The following CSMD1 variants were observed in gnomAD, a reference collection of about 807,000 sequenced individuals.
CSMD1 encodes CUB and sushi domain-containing protein 1.
A neutral mutation model predicts 417.5 loss-of-function variants in CSMD1; 213 were observed. That is an observed-to-expected ratio of 0.51 (90% CI 0.46 to 0.57). The LOEUF is 0.57. Among genes scored for constraint, CSMD1 ranks in the 20% least tolerant of loss-of-function variants. The pLI, the probability that CSMD1 is intolerant of heterozygous loss-of-function variation, is 0.00. For synonymous variants in CSMD1, 2,862 were observed against 1,736.8 expected (o/e 1.65, Z -16.11); for missense variants, 6,923 against 4,529.7 (o/e 1.53, Z -15.17).
chr8:4,656,278 C>T (rs1005536169), intron 1 of CSMD1, among the ~76,000 whole-genome samples: 1 of 151,866 alleles, frequency 6.6e-6, no homozygotes, highest in African/African-American at 2.4e-5. Context: ...AGCCAGTGAG[C>T]CTAGTGAAGA....
At chr8:3,431,330 G>A (rs1415323934) in intron 12 of CSMD1, among the ~76,000 whole-genome samples, 1 of 152,162 alleles carries the variant, frequency 6.6e-6, no homozygotes, top group Non-Finnish European at 1.5e-5. Flanking sequence ...CTGCTCTACA[G>A]AAAGGCAGTA....
At chr8:3,019,499 G>C (rs1809170539) in intron 51 of CSMD1, among the ~76,000 whole-genome samples, 1 of 152,206 alleles carries the variant, frequency 6.6e-6, no homozygotes, top group Non-Finnish European at 1.5e-5. Flanking sequence ...TGCAATAGCA[G>C]TGCTCAGTTT....
rs1281531943 is a variant in CSMD1, at chr8:3,214,507, G to A, written c.4857C>T (p.Pro1619=). 2.5e-6 allele frequency: 4 copies of A among 1,595,518 alleles called. No individual in the cohort carries two copies. Among genetic ancestry groups the A allele is most frequent in the Admixed American group, 1.7e-5 (1 of 57,366 alleles). The part of the protein sequence containing the change: ...DGKPSWDQVL[P]SCNAPCGGQY... ...CAAGCGTGCACTCACCATTGCAGGA[G>A]GGCAGCACTTGGTCCCAGGAGGGTT... Residue 1619 remains proline (P), a synonymous_variant, in exon 30 of 70, where the codon CCC becomes CCT. Coordinates refer to ENST00000635120, the MANE Select transcript of CSMD1 (RefSeq NM_033225.6).
At chr8:3,925,784 C>T (rs975469709) in intron 5 of CSMD1, among the ~76,000 whole-genome samples, 1 of 151,994 alleles carries the variant, frequency 6.6e-6, no homozygotes, top group Non-Finnish European at 1.5e-5. Context: ...TCTTTTTATT[C>T]CCAGTTTTGG....
intron 52 of CSMD1, among the ~76,000 whole-genome samples, chr8:3,012,149 G>A (rs969971566): frequency 1.3e-5 from 2 of 152,126 alleles, no homozygotes; most frequent in Admixed American, 6.5e-5. Flanking sequence ...TAATGTACTC[G>A]GATGCACCTG....
rs1331158720 is a variant in CSMD1, at chr8:3,838,621, AAATT to A, written c.819-84583_819-84580del. 1.4e-4 allele frequency among the ~76,000 whole-genome samples: 19 copies of A among 137,382 alleles called. No homozygotes were observed. The South Asian group carries it at 2.2e-3, about 16-fold the overall frequency. 90.1% of individuals were successfully genotyped at this position (137,382 alleles called of 152,430 possible). On this transcript the variant is annotated intron_variant, in intron 5 of 69. Transcript: ENST00000635120. ...ATATAAATATTTATATATAATAAAT[AAATT>A]AATATATAATAAATTAATATTATAT...
intron 8 of CSMD1, among the ~76,000 whole-genome samples, chr8:3,598,037 C>T (rs1801176396): frequency 6.6e-6 from 1 of 152,162 alleles, no homozygotes; most frequent in Non-Finnish European, 1.5e-5. Flanking sequence ...CCTACTTCAG[C>T]CCAATAAAAC....
intron 4 of CSMD1, among the ~76,000 whole-genome samples, chr8:4,000,167 G>A (rs1482905485): frequency 1.3e-5 from 2 of 151,868 alleles, no homozygotes; most frequent in African/African-American, 4.8e-5. Context: ...AGAACAAGCT[G>A]CACAACTGCC....
chr8:4,182,779 T>C (rs1798450236), intron 3 of CSMD1, among the ~76,000 whole-genome samples: 1 of 152,148 alleles, frequency 6.6e-6, no homozygotes, highest in Non-Finnish European at 1.5e-5. Context: ...AGTCTCATAG[T>C]TAAATGAAGT....
chr8:4,620,878 A>T (rs778250582), intron 2 of CSMD1, among the ~76,000 whole-genome samples: 4 of 151,928 alleles, frequency 2.6e-5, no homozygotes, highest in African/African-American at 4.8e-5. Flanking sequence ...AAGAGTGAAA[A>T]TAAGAGAAAA....
chr8:4,069,103 T>A (rs1316850147), intron 3 of CSMD1, among the ~76,000 whole-genome samples: 1 of 152,212 alleles, frequency 6.6e-6, no homozygotes, highest in South Asian at 2.1e-4. Flanking sequence ...ATGGACTCCA[T>A]TTTGATTTCC....
At chr8:4,800,455 G>A (rs7823972) in intron 1 of CSMD1, among the ~76,000 whole-genome samples, 19,129 of 146,134 alleles carry the variant, frequency 0.13, 1,594 homozygotes, top group Non-Finnish European at 0.18. Flanking sequence ...AAAAAAAAAA[G>A]GAAAATTAAA....
chr8:3,600,765 A>T (rs956122480), intron 8 of CSMD1, among the ~76,000 whole-genome samples: 6 of 152,222 alleles, frequency 3.9e-5, no homozygotes, highest in African/African-American at 1.4e-4. Context: ...ATTCAGTCAT[A>T]AATAGCAGTC....
chr8:3,380,962 T>G (rs181456247), intron 18 of CSMD1, among the ~76,000 whole-genome samples: 2 of 152,142 alleles, frequency 1.3e-5, no homozygotes, highest in Admixed American at 1.3e-4. Context: ...AAAGAAGAAT[T>G]TGGGGATGGT....
intron 3 of CSMD1, among the ~76,000 whole-genome samples, chr8:4,122,097 T>C (rs1278700637): frequency 6.6e-6 from 1 of 152,106 alleles, no homozygotes; most frequent in African/African-American, 2.4e-5. Context: ...CATAGAAATA[T>C]AATATTGTAT....
intron 50 of CSMD1, among the ~76,000 whole-genome samples, chr8:3,041,168 T>C (rs1431747422): frequency 2.6e-5 from 4 of 152,198 alleles, no homozygotes. Flanking sequence ...TCAACATTTT[T>C]GGACTTAATA....
At chr8:4,939,236 T>C (rs4421369) in intron 1 of CSMD1, among the ~76,000 whole-genome samples, 148,862 of 152,246 alleles carry the variant, frequency 0.98, 72,839 homozygotes, top group East Asian at 1. Context: ...ATATGGAAAA[T>C]TATATCGAGA....
At chr8:4,849,137 C>A (rs74646723) in intron 1 of CSMD1, among the ~76,000 whole-genome samples, 3 of 151,906 alleles carry the variant, frequency 2.0e-5, no homozygotes, top group South Asian at 4.2e-4. Flanking sequence ...GGCTAATGTG[C>A]GTTTGTGTCT....
intron 1 of CSMD1, among the ~76,000 whole-genome samples, chr8:4,954,999 GTTCT>G (rs1808992397): frequency 6.6e-6 from 1 of 152,054 alleles, no homozygotes; most frequent in Non-Finnish European, 1.5e-5. Context: ...GGTTTTCAAT[GTTCT>G]TTCTTAGACG....
Sources: gnomAD v4.1 joint callset for allele counts (sites outside exome capture counted in the v4.1 genomes callset) on GRCh38, gnomAD v4.1.1 for gene constraint, MANE v1.5 for transcripts, NCBI Gene and HGNC (gene_info 2026-07-23, HGNC 2026-07-21) for gene names.